SLCO1A2: variants seen among roughly 807,000 people sequenced by gnomAD.
SLCO1A2 encodes OATP-1.
In SLCO1A2, 67 loss-of-function variants were observed where a neutral mutation model predicts 69.0. The observed-to-expected ratio is 0.97, with a 90% CI of 0.80 to 1.19. The LOEUF (loss-of-function observed/expected upper bound fraction) is 1.19, where lower values mean the gene tolerates loss of function less well. SLCO1A2 is among the 50% of genes most tolerant of loss of function. The pLI is 0.00. For missense variants in SLCO1A2, 787 were observed against 793.7 expected (o/e 0.99, Z 0.10); for synonymous variants, 260 against 265.9 (o/e 0.98, Z 0.22).
Position 21,410,070 on chromosome 12 carries a change from T to G in SLCO1A2, c.-312+7812A>C, listed in dbSNP as rs138361244. Among the ~76,000 whole-genome samples the G allele has an allele frequency of 8.5e-5, 13 of 152,334 alleles. No homozygotes were observed. The East Asian group carries it at 2.1e-3, about 25-fold the overall frequency. The stretch of plus-strand genomic sequence containing the variant: ...CCTTGGATCACCCCCTTGTTCTTTT[T>G]CAGGCATGGTATACTTTTATTTATG... On this transcript the variant is annotated intron_variant, in intron 1 of 4. Coordinates refer to the SLCO1A2 transcript ENST00000413682.
At chr12:21,324,692 AG>A (rs1481941375) in intron 2 of SLCO1A2, 1 of 152,222 alleles carries the variant, frequency 6.6e-6, no homozygotes, top group Non-Finnish European at 1.5e-5. Context: ...TAAAAGAAAA[AG>A]ATTCTCTTGA....
chr12:21,388,093 C>G (rs750805866), intron 1 of SLCO1A2, among the ~76,000 whole-genome samples: 13 of 152,194 alleles, frequency 8.5e-5, no homozygotes, highest in Non-Finnish European at 1.9e-4. Context: ...TACCCAATGT[C>G]TGTACCCCTA....
rs139795628 is a variant in SLCO1A2, at chr12:21,295,425, T to C, written c.1271+172A>G. On this transcript the variant is annotated intron_variant, in intron 10 of 14. Coordinates refer to ENST00000683939, the MANE Select transcript of SLCO1A2 (RefSeq NM_001386879.1). ...ATGTTCCCAACCTCATTAATAAGCC[T>C]AGAGCTTGGATAGATTGGCTTGATT... 267 of 577,568 alleles carry C rather than the reference T, an allele frequency of 4.6e-4. 1 individual carries two copies. The East Asian group carries it at 7.2e-3, about 16-fold the overall frequency. 35.8% of individuals were successfully genotyped at this position (577,568 alleles called of 1,614,324 possible).
chr12:21,274,511 C>A lies in SLCO1A2; in HGVS notation c.1751G>T (p.Gly584Val), dbSNP rs762620337. 1 of 1,613,466 alleles carries A rather than the reference C, an allele frequency of 6.2e-7. No homozygotes were observed. The highest frequency in any genetic ancestry group is 1.3e-5 in the African/African-American group (1 of 74,886). ...TCLHWGTLKC[G>V]ESGACRIYDS... is the part of the protein sequence containing the mutation. ...ATATATCCTGCATGCCCCTGACTCA[C>A]CACATTTCAAAGTTCCCCAGTGTAA... The change falls in exon 14 of 15, where the codon GGT becomes GTT. Residue 584 changes from glycine (G) to valine (V), a missense_variant. Transcript: ENST00000683939.
intron 12 of SLCO1A2, among the ~76,000 whole-genome samples, chr12:21,287,209 C>T (rs1199722816): frequency 6.9e-6 from 1 of 145,860 alleles, no homozygotes; most frequent in Non-Finnish European, 1.5e-5. Context: ...AGGACATGAA[C>T]AGACACTTCT....
intron 3 of SLCO1A2, among the ~76,000 whole-genome samples, 171 bp from the exon 4 acceptor site, chr12:21,314,852 C>G (rs555090038): frequency 2.0e-4 from 31 of 152,064 alleles, no homozygotes; most frequent in Non-Finnish European, 1.3e-4. Flanking sequence ...ATCCCTGCCC[C>G]GAAGAAGGGT....
intron 2 of SLCO1A2, among the ~76,000 whole-genome samples, chr12:21,364,936 AG>A (rs1939249877): frequency 6.6e-6 from 1 of 152,240 alleles, no homozygotes; most frequent in Admixed American, 6.5e-5. Context: ...GCTCGTGGAT[AG>A]GAAGAATCAA....
Position 21,300,432 on chromosome 12 carries a change from C to T in SLCO1A2, c.826G>A (p.Glu276Lys). ...TTTTTAATGATGTCAGCATTAGTCTCTAGTCCTTCCTTTGGAAGTGTGTTG... is the reference window on the plus strand; with the variant it reads ...TTTTTAATGATGTCAGCATTAGTCTTTAGTCCTTCCTTTGGAAGTGTGTTG... ...LPNTLPKEGL[E>K]TNADIIKNEN... The change falls in exon 8 of 15, where the codon GAG becomes AAG. Residue 276 changes from glutamate (E) to lysine (K), a missense_variant. Transcript: ENST00000683939. The T allele has an allele frequency of 1.2e-6, 2 of 1,613,464 alleles. No individual in the cohort carries two copies. Among genetic ancestry groups the T allele is most frequent in the Non-Finnish European group, 1.7e-6 (2 of 1,179,694 alleles).
chr12:21,375,539 A>G (rs941016561), intron 1 of SLCO1A2, among the ~76,000 whole-genome samples: 19 of 152,234 alleles, frequency 1.2e-4, no homozygotes, highest in African/African-American at 4.6e-4. Context: ...TAAAAGGATC[A>G]CATACTTTCC....
At chr12:21,391,572 TAGTA>T (rs1941154705) in intron 1 of SLCO1A2, among the ~76,000 whole-genome samples, 1 of 152,118 alleles carries the variant, frequency 6.6e-6, no homozygotes. Context: ...TTGAAAAGGA[TAGTA>T]AGTGCAGGTA....
At chr12:21,308,265 A>T (rs955799574) in intron 4 of SLCO1A2, among the ~76,000 whole-genome samples, 2 of 151,948 alleles carry the variant, frequency 1.3e-5, no homozygotes, top group African/African-American at 4.8e-5. Context: ...CCACAAGGAT[A>T]AAAAAAATAG....
At chr12:21,375,113 C>T (rs1591897085) in intron 1 of SLCO1A2, among the ~76,000 whole-genome samples, 1 of 152,272 alleles carries the variant, frequency 6.6e-6, no homozygotes, top group Admixed American at 6.5e-5. Context: ...CCACTGAACC[C>T]AGACCATTAT....
rs1462773983 is a variant in SLCO1A2 at position 21,269,623 on chromosome 12, C to T, written c.1938G>A (p.Gly646=). 1 of 1,612,650 alleles carries T rather than the reference C, an allele frequency of 6.2e-7. No homozygotes were observed. Among genetic ancestry groups the T allele is most frequent in the Non-Finnish European group, 8.5e-7 (1 of 1,179,092 alleles). Residue 646 remains glycine, a synonymous_variant, in exon 15 of 15, where the codon GGG becomes GGA. Coordinates refer to ENST00000683939, the MANE Select transcript of SLCO1A2 (RefSeq NM_001386879.1). ...GTELIETKVK[G]KENECKDIYQ... ...ATATATCTTTGCACTCATTTTCCTT[C>T]CCTTTGACTTTTGTCTCTATAAGCT...
Position 21,378,458 on chromosome 12 carries a change from T to C in SLCO1A2, c.-189-3933A>G, listed in dbSNP as rs758543378. The C allele has an allele frequency of 5.2e-6, 8 of 1,545,212 alleles. No individual in the cohort carries two copies. In the African/African-American group the frequency reaches 5.4e-5, roughly 11 times the overall value. ...ATGTAACTCTATAGTTATTGTTTTA[T>C]GTTCTAGTGATTTCCTGTATAATTT... is the stretch of plus-strand genomic sequence containing the variant. On this transcript the variant is annotated intron_variant, in intron 1 of 15. Transcript: ENST00000307378.
At chr12:21,401,871 T>C (rs1272172095) in intron 1 of SLCO1A2, among the ~76,000 whole-genome samples, 2 of 151,702 alleles carry the variant, frequency 1.3e-5, no homozygotes, top group East Asian at 1.9e-4. Flanking sequence ...GAAAATGTAT[T>C]ATATGATAAA....
intron 1 of SLCO1A2, among the ~76,000 whole-genome samples, chr12:21,388,706 T>C (rs1941009992): frequency 6.6e-6 from 1 of 152,148 alleles, no homozygotes; most frequent in South Asian, 2.1e-4. Context: ...AATTCTAGGG[T>C]ACTGTGGCAT....
intron 2 of SLCO1A2, among the ~76,000 whole-genome samples, chr12:21,352,450 C>T (rs1938036758): frequency 2.0e-5 from 3 of 152,290 alleles, no homozygotes; most frequent in East Asian, 1.9e-4. Flanking sequence ...ATCATCTGAT[C>T]GAGGAATCCT....
At chr12:21,409,146 G>T (rs528120410) in intron 1 of SLCO1A2, among the ~76,000 whole-genome samples, 4 of 152,274 alleles carry the variant, frequency 2.6e-5, no homozygotes, top group Admixed American at 6.5e-5. Context: ...TGATAATTCT[G>T]TTGGAGGGAC....
intron 12 of SLCO1A2, among the ~76,000 whole-genome samples, chr12:21,278,968 A>T (rs1944345496): frequency 6.6e-6 from 1 of 152,152 alleles, no homozygotes; most frequent in Non-Finnish European, 1.5e-5. Context: ...CAGAGAAAAA[A>T]TGCAGAACAC....
Sources: allele counts gnomAD v4.1 joint callset (sites outside exome capture counted in the v4.1 genomes callset), GRCh38; gene constraint gnomAD v4.1.1; transcripts MANE v1.5; gene names NCBI Gene and HGNC (gene_info 2026-07-23, HGNC 2026-07-21).